The following PCCA variants were observed in gnomAD, a reference collection of about 807,000 sequenced individuals.
The protein encoded by PCCA is propionyl-CoA carboxylase alpha chain, mitochondrial.
PCCA carries 74 observed loss-of-function variants against 101.3 expected under a neutral mutation model. The ratio of observed to expected loss-of-function variants is 0.73; its 90% CI spans 0.61 to 0.89. PCCA has a LOEUF of 0.89. Ranked by LOEUF, PCCA falls within the 40% of genes least tolerant of loss-of-function variation. The pLI is 0.00. For synonymous variants in PCCA, 294 were observed against 313.6 expected (o/e 0.94, Z 0.66); for missense variants, 891 against 907.0 (o/e 0.98, Z 0.23).
intron 19 of PCCA, among the ~76,000 whole-genome samples, chr13:100,400,010 G>A (rs2077242976): frequency 3.3e-5 from 5 of 152,210 alleles, no homozygotes; most frequent in Admixed American, 3.3e-4. Context: ...GATGTCATAA[G>A]AGTTAGGCTA....
chr13:100,249,319 A>G (rs558430233), intron 8 of PCCA, among the ~76,000 whole-genome samples: 2 of 152,308 alleles, frequency 1.3e-5, no homozygotes, highest in South Asian at 2.1e-4. Context: ...CATAATGAAT[A>G]TCCAGTTATT....
intron 21 of PCCA, among the ~76,000 whole-genome samples, chr13:100,500,169 A>C (rs1264905669): frequency 6.6e-6 from 1 of 152,184 alleles, no homozygotes; most frequent in Non-Finnish European, 1.5e-5. Context: ...CAGTGTTAAA[A>C]TGGATGGAAT....
intron 1 of PCCA, among the ~76,000 whole-genome samples, chr13:100,089,828 G>A (rs1594004125): frequency 6.6e-6 from 1 of 152,208 alleles, no homozygotes; most frequent in East Asian, 1.9e-4. Flanking sequence ...TTTCGGTATA[G>A]TGGTGAGCCT....
chr13:100,253,161 T>C (rs1377766812), intron 8 of PCCA, among the ~76,000 whole-genome samples: 2 of 152,204 alleles, frequency 1.3e-5, no homozygotes, highest in African/African-American at 4.8e-5. Context: ...CATGCACTTA[T>C]TTATTTATAT....
chr13:100,207,676 G>A (rs1219075095), intron 6 of PCCA, among the ~76,000 whole-genome samples: 7 of 151,504 alleles, frequency 4.6e-5, no homozygotes, highest in South Asian at 2.1e-4. Flanking sequence ...CACCACACCC[G>A]GACTGCCATT....
chr13:100,427,003 G>T (rs928751326), intron 20 of PCCA, among the ~76,000 whole-genome samples: 11 of 152,280 alleles, frequency 7.2e-5, no homozygotes, highest in African/African-American at 2.2e-4. Flanking sequence ...ATCACCTGAG[G>T]TGAAGCGTTC....
chr13:100,161,759 A>C (rs1184668088), intron 6 of PCCA: 6 of 152,178 alleles, frequency 3.9e-5, no homozygotes, highest in Non-Finnish European at 8.8e-5. Context: ...TATAATCTGC[A>C]TAGCTCATGG....
intron 12 of PCCA, among the ~76,000 whole-genome samples, chr13:100,277,561 A>G (rs1256038060): frequency 6.6e-6 from 1 of 152,128 alleles, no homozygotes; most frequent in East Asian, 1.9e-4. Context: ...CCTATAGATT[A>G]AATAAGTTTG....
intron 20 of PCCA, among the ~76,000 whole-genome samples, chr13:100,429,784 T>C (rs1278370776): frequency 6.6e-6 from 1 of 151,946 alleles, no homozygotes; most frequent in East Asian, 2.0e-4. Context: ...TTTTTGTATT[T>C]TTAGTAGAGA....
At chr13:100,198,151 A>G (rs1417522347) in intron 6 of PCCA, 1 of 152,210 alleles carries the variant, frequency 6.6e-6, no homozygotes, top group Non-Finnish European at 1.5e-5. Flanking sequence ...TTCTCTATTC[A>G]TTTGCTTCTC....
At chr13:100,412,478 G>A (rs1269434879) in intron 19 of PCCA, among the ~76,000 whole-genome samples, 1 of 152,092 alleles carries the variant, frequency 6.6e-6, no homozygotes, top group Non-Finnish European at 1.5e-5. Context: ...ACCTCCCCAG[G>A]ATGTTTATTA....
At chr13:100,286,614 C>A (rs1374819820) in intron 12 of PCCA, among the ~76,000 whole-genome samples, 2 of 152,026 alleles carry the variant, frequency 1.3e-5, no homozygotes, top group Non-Finnish European at 2.9e-5. Flanking sequence ...TCTAACAACC[C>A]CTCCCCTTGT....
intron 11 of PCCA, among the ~76,000 whole-genome samples, chr13:100,269,961 C>T (rs2063197250): frequency 6.6e-6 from 1 of 152,138 alleles, no homozygotes; most frequent in South Asian, 2.1e-4. Context: ...AAGGCTTGAC[C>T]CGTAGACTAC....
At chr13:100,207,521 C>T (rs2058935106) in intron 6 of PCCA, among the ~76,000 whole-genome samples, 1 of 151,984 alleles carries the variant, frequency 6.6e-6, no homozygotes, top group South Asian at 2.1e-4. Context: ...GCTGGGATTA[C>T]AGGCGCATGC....
chr13:100,252,950 C>T (rs1021362247), intron 8 of PCCA, among the ~76,000 whole-genome samples: 2 of 152,108 alleles, frequency 1.3e-5, no homozygotes, highest in Non-Finnish European at 2.9e-5. Flanking sequence ...TCACACCTTC[C>T]AACTTGTTCC....
At chr13:100,124,388 A>C (rs1331337817) in intron 4 of PCCA, among the ~76,000 whole-genome samples, 1 of 152,146 alleles carries the variant, frequency 6.6e-6, no homozygotes, top group East Asian at 1.9e-4. Context: ...AAGAACCTAA[A>C]ATTAGGGAAG....
At chr13:100,405,769 C>CTTT (rs34906541) in intron 19 of PCCA, among the ~76,000 whole-genome samples, 3,477 of 116,298 alleles carry the variant, frequency 0.03, 245 homozygotes, top group African/African-American at 0.086. Flanking sequence ...AAGTGACATT[C>CTTT]TTTTTTTTTT....
intron 21 of PCCA, among the ~76,000 whole-genome samples, chr13:100,456,352 T>C (rs1295879178): frequency 6.6e-6 from 1 of 152,236 alleles, no homozygotes; most frequent in African/African-American, 2.4e-5. Context: ...AGGTGTGGAC[T>C]TTTATGACTC....
chr13:100,468,501 G>A (rs1385624684), intron 21 of PCCA, among the ~76,000 whole-genome samples: 1 of 152,222 alleles, frequency 6.6e-6, no homozygotes, highest in African/African-American at 2.4e-5. Context: ...GACCTTCTGC[G>A]TGACTTACTG....
Sources: allele counts gnomAD v4.1 joint callset (sites outside exome capture counted in the v4.1 genomes callset), GRCh38; gene constraint gnomAD v4.1.1; transcripts MANE v1.5; gene names NCBI Gene and HGNC (gene_info 2026-07-23, HGNC 2026-07-21).